Variants in MAGI1 observed in about 807,000 individuals in gnomAD.
The protein encoded by MAGI1 is membrane associated guanylate kinase, WW and PDZ domain containing 1, also known as membrane-associated guanylate kinase, WW and PDZ domain-containing protein 1.
A neutral mutation model predicts 139.9 loss-of-function variants in MAGI1; 58 were observed. That is an observed-to-expected ratio of 0.41 (90% CI 0.34 to 0.52). MAGI1 has a LOEUF of 0.52. MAGI1 is among the 20% of genes least tolerant of loss of function. The pLI, the probability that MAGI1 is intolerant of heterozygous loss-of-function variation, is 0.12. For synonymous variants in MAGI1, 812 were observed against 737.9 expected (o/e 1.10, Z -1.63); for missense variants, 1,874 against 1,901.6 (o/e 0.99, Z 0.27).
chr3:65,612,988 C>G (rs2106957388), intron 2 of MAGI1, among the ~76,000 whole-genome samples: 1 of 152,240 alleles, frequency 6.6e-6, no homozygotes. Context: ...GTATCCTACA[C>G]TCAGCCAAAT....
chr3:65,672,260 G>C (rs987511068), intron 1 of MAGI1, among the ~76,000 whole-genome samples: 1 of 152,162 alleles, frequency 6.6e-6, no homozygotes, highest in African/African-American at 2.4e-5. Flanking sequence ...CAGACATGGA[G>C]GCTTTAGTCT....
chr3:65,511,826 C>T (rs1222645886), intron 2 of MAGI1, among the ~76,000 whole-genome samples: 7 of 130,534 alleles, frequency 5.4e-5, no homozygotes, highest in African/African-American at 8.6e-5. Context: ...CTACAGAACT[C>T]TCCACCCCAA....
At chr3:65,966,998 G>A (rs559275954) in intron 1 of MAGI1, among the ~76,000 whole-genome samples, 40 of 152,178 alleles carry the variant, frequency 2.6e-4, no homozygotes, top group African/African-American at 8.4e-4. Flanking sequence ...TAGCACTACC[G>A]CGATTTCCAT....
At chr3:65,787,003 TTAC>T (rs1204592855) in intron 1 of MAGI1, among the ~76,000 whole-genome samples, 34 of 152,120 alleles carry the variant, frequency 2.2e-4, no homozygotes, top group Admixed American at 2.2e-3. Context: ...AATGCACCTC[TTAC>T]TAAGCCACAA....
chr3:65,419,838 C>G (rs77128000), intron 12 of MAGI1, among the ~76,000 whole-genome samples: 3,034 of 152,212 alleles, frequency 0.02, 106 homozygotes, highest in African/African-American at 0.069. Context: ...TCGCCTGCTA[C>G]AAGGGCAGAG....
chr3:65,773,809 A>G (rs1291039589), intron 1 of MAGI1, among the ~76,000 whole-genome samples: 1 of 152,170 alleles, frequency 6.6e-6, no homozygotes, highest in Non-Finnish European at 1.5e-5. Flanking sequence ...CCTTAATCAT[A>G]CTTGAGTCTT....
intron 13 of MAGI1, among the ~76,000 whole-genome samples, chr3:65,392,480 A>C (rs1469101228): frequency 6.6e-6 from 1 of 152,094 alleles, no homozygotes; most frequent in Non-Finnish European, 1.5e-5. Flanking sequence ...TCTTTTATAG[A>C]TCCTGTAGAG....
chr3:66,032,499 C>T (rs1333740708), intron 1 of MAGI1, among the ~76,000 whole-genome samples: 2 of 150,948 alleles, frequency 1.3e-5, no homozygotes. Context: ...GGATTACAGG[C>T]ATGAGCCACC....
chr3:65,855,300 C>G (rs1321952844), intron 1 of MAGI1, among the ~76,000 whole-genome samples: 1 of 151,820 alleles, frequency 6.6e-6, no homozygotes, highest in African/African-American at 2.4e-5. Context: ...GAGGAAAGGG[C>G]TTGGTGCGAT....
At chr3:65,468,367 C>CTTTTTT (rs71102860) in intron 5 of MAGI1, among the ~76,000 whole-genome samples, 1 of 61,366 alleles carries the variant, frequency 1.6e-5, no homozygotes, top group African/African-American at 6.9e-5. Context: ...AGAGGGTATT[C>CTTTTTT]TTTTTTTTTT....
At chr3:65,748,986 C>T (rs1468312591) in intron 1 of MAGI1, among the ~76,000 whole-genome samples, 1 of 152,074 alleles carries the variant, frequency 6.6e-6, no homozygotes, top group Non-Finnish European at 1.5e-5. Flanking sequence ...ATGGTATCCT[C>T]AAACAGGCCA....
At chr3:65,497,442 C>T (rs562089886) in intron 2 of MAGI1, among the ~76,000 whole-genome samples, 51 of 152,294 alleles carry the variant, frequency 3.3e-4, no homozygotes, top group African/African-American at 1.1e-3. Context: ...GTCTACATCA[C>T]ACTGGGAATT....
chr3:65,981,407 A>G (rs1463359398), intron 1 of MAGI1, among the ~76,000 whole-genome samples: 1 of 152,194 alleles, frequency 6.6e-6, no homozygotes, highest in African/African-American at 2.4e-5. Context: ...CTTTGGAGTT[A>G]TGCTGACTTC....
chr3:66,017,383 G>T (rs1364158572), intron 1 of MAGI1, among the ~76,000 whole-genome samples: 1 of 152,246 alleles, frequency 6.6e-6, no homozygotes, highest in African/African-American at 2.4e-5. Context: ...CCAACGGAGG[G>T]TGCAAGGAAG....
chr3:65,996,679 C>T (rs754941681), intron 1 of MAGI1, among the ~76,000 whole-genome samples: 25 of 152,190 alleles, frequency 1.6e-4, no homozygotes, highest in Non-Finnish European at 2.5e-4. Flanking sequence ...AGAACTCCCA[C>T]ATTTCCTGTT....
chr3:65,617,354 A>C (rs12330210), intron 2 of MAGI1, among the ~76,000 whole-genome samples: 38,866 of 152,154 alleles, frequency 0.26, 5,125 homozygotes, highest in Middle Eastern at 0.36. Flanking sequence ...AGAGAACCAG[A>C]ACTACTGGAT....
chr3:66,006,909 C>T (rs1171644384), intron 1 of MAGI1, among the ~76,000 whole-genome samples: 1 of 152,094 alleles, frequency 6.6e-6, no homozygotes, highest in Admixed American at 6.6e-5. Flanking sequence ...TAGCTCACTG[C>T]AACCTCAAAT....
rs79015814 is a variant in MAGI1 at position 65,363,895 on chromosome 3, T to C, written c.3352-287A>G. On this transcript the variant is annotated intron_variant, in intron 20 of 22. Coordinates refer to ENST00000402939, the MANE Select transcript of MAGI1 (RefSeq NM_001033057.2). ...GGAAGGACAATTCCTCATTACATGATACCAGCCACCTGGCTGCTGGATGCC... is the reference window on the plus strand; with the variant it reads ...GGAAGGACAATTCCTCATTACATGACACCAGCCACCTGGCTGCTGGATGCC... Among the ~76,000 whole-genome samples the C allele has an allele frequency of 2.6e-5, 4 of 152,304 alleles. No homozygotes were observed. In the East Asian group the frequency reaches 7.7e-4, roughly 29 times the overall value.
intron 1 of MAGI1, among the ~76,000 whole-genome samples, chr3:65,691,302 C>CAAAAA (rs752329892): frequency 1.3e-5 from 1 of 74,724 alleles, no homozygotes; most frequent in Non-Finnish European, 3.1e-5. Flanking sequence ...GACTCCGTCT[C>CAAAAA]AAAAAAAAAA....
Sources: allele counts gnomAD v4.1 joint callset (sites outside exome capture counted in the v4.1 genomes callset), GRCh38; gene constraint gnomAD v4.1.1; transcripts MANE v1.5; gene names NCBI Gene and HGNC (gene_info 2026-07-23, HGNC 2026-07-21).